Variants in ZNF385D observed in about 807,000 individuals in gnomAD.
The protein encoded by ZNF385D is zinc finger protein 659.
A neutral mutation model predicts 35.8 loss-of-function variants in ZNF385D; 15 were observed. The ratio of observed to expected loss-of-function variants is 0.42; its 90% CI spans 0.28 to 0.64. ZNF385D has a LOEUF of 0.64. ZNF385D is among the 30% of genes least tolerant of loss of function. ZNF385D has a pLI of 0.23. For missense variants in ZNF385D, 474 were observed against 494.6 expected (o/e 0.96, Z 0.39); for synonymous variants, 212 against 186.8 (o/e 1.13, Z -1.10).
chr3:22,330,646 C>T (rs773610360), intron 2 of ZNF385D, among the ~76,000 whole-genome samples: 2 of 152,168 alleles, frequency 1.3e-5, no homozygotes, highest in Non-Finnish European at 2.9e-5. Flanking sequence ...TTCCATCTCA[C>T]TCTGGTTCTC....
At chr3:22,149,594 A>G (rs4858389) in intron 3 of ZNF385D, among the ~76,000 whole-genome samples, 33,250 of 152,108 alleles carry the variant, frequency 0.22, 3,895 homozygotes, top group East Asian at 0.44. Flanking sequence ...AGCCACGACC[A>G]TAGAGGTATG....
chr3:22,271,311 A>C (rs1295674660), intron 2 of ZNF385D, among the ~76,000 whole-genome samples: 2 of 151,984 alleles, frequency 1.3e-5, no homozygotes, highest in Non-Finnish European at 2.9e-5. Context: ...AAGATGTTGG[A>C]GAAGACTAAT....
intron 3 of ZNF385D, among the ~76,000 whole-genome samples, chr3:22,110,157 T>C (rs1190667562): frequency 6.6e-6 from 1 of 152,032 alleles, no homozygotes; most frequent in Admixed American, 6.6e-5. Flanking sequence ...GGAGAGGATG[T>C]GGAGAAATAG....
At chr3:21,844,394 T>G (rs1448210430) in intron 3 of ZNF385D, among the ~76,000 whole-genome samples, 1 of 139,954 alleles carries the variant, frequency 7.1e-6, no homozygotes, top group Non-Finnish European at 1.5e-5. Context: ...GGTGCTTTCT[T>G]GGGGATTTTG....
In ZNF385D at chr3:22,242,973, T is replaced by A. The variant is rs146561373; in HGVS notation, c.107-73938A>T. On this transcript the variant is annotated intron_variant, in intron 2 of 5. Transcript: ENST00000494108. ...CATGTAAATGTTAATGACCTCGAATTAGGCATTAGTTTCTTAGATATAACC... is the reference window on the plus strand; with the variant it reads ...CATGTAAATGTTAATGACCTCGAATAAGGCATTAGTTTCTTAGATATAACC... Among the ~76,000 whole-genome samples, 428 of 151,018 alleles carry A rather than the reference T, an allele frequency of 2.8e-3. 29 individuals are homozygous for A. The highest frequency in any genetic ancestry group is 9.9e-3 in the African/African-American group (403 of 40,906).
chr3:21,881,350 A>T (rs1698266766), intron 3 of ZNF385D, among the ~76,000 whole-genome samples: 2 of 151,980 alleles, frequency 1.3e-5, no homozygotes. Flanking sequence ...CATTCCAAAC[A>T]TCCTATGCCC....
rs116010576 is a variant in ZNF385D at position 21,932,377 on chromosome 3, C to T, written c.325+236440G>A. 3.3e-3 allele frequency among the ~76,000 whole-genome samples: 500 copies of T among 151,474 alleles called. 3 individuals carry two copies. Among genetic ancestry groups the T allele is most frequent in the African/African-American group, 0.011 (459 of 41,086 alleles). ...GTCAAAGCAAGTTTTCAGTATATAACGCAGCACTCTGATTGTGACTTAATA... is the reference window on the plus strand; with the variant it reads ...GTCAAAGCAAGTTTTCAGTATATAATGCAGCACTCTGATTGTGACTTAATA... On this transcript the variant is annotated intron_variant, in intron 3 of 5. Coordinates refer to the ZNF385D transcript ENST00000494108.
At chr3:21,647,166 G>A (rs1461809668) in intron 2 of ZNF385D, among the ~76,000 whole-genome samples, 1 of 152,118 alleles carries the variant, frequency 6.6e-6, no homozygotes, top group African/African-American at 2.4e-5. Flanking sequence ...CTAAGTACTA[G>A]TATTTTAAAG....
chr3:21,807,793 G>A (rs1169601827), intron 3 of ZNF385D, among the ~76,000 whole-genome samples: 1 of 152,064 alleles, frequency 6.6e-6, no homozygotes. Context: ...TTCAAATATG[G>A]CAGGATTTGA....
chr3:21,908,194 G>A (rs1320044668), intron 3 of ZNF385D, among the ~76,000 whole-genome samples: 1 of 148,612 alleles, frequency 6.7e-6, no homozygotes, highest in African/African-American at 2.5e-5. Context: ...AGGATTCTAG[G>A]GAACAGGAAA....
At chr3:22,310,645 A>T (rs972505991) in intron 2 of ZNF385D, among the ~76,000 whole-genome samples, 1 of 151,924 alleles carries the variant, frequency 6.6e-6, no homozygotes, top group African/African-American at 2.4e-5. Context: ...TTAGAAAGAG[A>T]AGTAAATTTA....
chr3:21,564,341 A>T (rs975364671), intron 3 of ZNF385D, among the ~76,000 whole-genome samples: 5 of 152,116 alleles, frequency 3.3e-5, no homozygotes, highest in African/African-American at 1.2e-4. Context: ...AATAAATAAA[A>T]ATATTAAACT....
At position 21,439,297 on chromosome 3, in the gene ZNF385D, C is replaced by CAA. The variant is rs143786633; in HGVS notation, c.440-2096_440-2095dup. Among the ~76,000 whole-genome samples, 341 of 89,264 alleles carry CAA rather than the reference C, an allele frequency of 3.8e-3. 4 individuals are homozygous for CAA. The highest frequency in any genetic ancestry group is 0.01 in the African/African-American group (270 of 26,856). The allele number at this position is 89,264 out of a possible 152,430, so 58.6% of individuals were successfully genotyped here. ...GGAACAAGAAAATCAGATTTTGAGG[C>CAA]AAAAAAAAAAAAAAAAAAAAAAGTT... On this transcript the variant is annotated intron_variant, in intron 4 of 7. Transcript: ENST00000281523.
intron 3 of ZNF385D, among the ~76,000 whole-genome samples, chr3:22,159,469 T>C (rs147887032): frequency 6.6e-5 from 10 of 152,166 alleles, no homozygotes; most frequent in Non-Finnish European, 2.9e-5. Context: ...AGGCTCAGGT[T>C]GTAAAACCTC....
intron 3 of ZNF385D, among the ~76,000 whole-genome samples, chr3:21,895,564 C>T (rs1243082977): frequency 6.7e-6 from 1 of 148,894 alleles, no homozygotes; most frequent in Non-Finnish European, 1.5e-5. Flanking sequence ...TGGTCTCAAA[C>T]CCCTGACCTC....
At chr3:22,371,138 C>T (rs1451516512) in intron 2 of ZNF385D, among the ~76,000 whole-genome samples, 4 of 152,132 alleles carry the variant, frequency 2.6e-5, no homozygotes, top group Non-Finnish European at 4.4e-5. Context: ...CCCATATTTG[C>T]CTTTCATGCT....
chr3:21,747,350 G>A (rs754862731), intron 1 of ZNF385D, among the ~76,000 whole-genome samples: 1 of 151,964 alleles, frequency 6.6e-6, no homozygotes, highest in Non-Finnish European at 1.5e-5. Flanking sequence ...GTATTCTCAT[G>A]GGGGCAAGCC....
At chr3:21,693,431 C>T (rs115210160) in intron 1 of ZNF385D, among the ~76,000 whole-genome samples, 2,280 of 152,280 alleles carry the variant, frequency 0.015, 57 homozygotes, top group African/African-American at 0.051. Flanking sequence ...TTAAATGAAA[C>T]ACTTACAGTA....
In ZNF385D at chr3:21,682,870, T is replaced by G. The variant is rs141682154; in HGVS notation, c.23-17842A>C. 3.3e-5 allele frequency among the ~76,000 whole-genome samples: 5 copies of G among 150,128 alleles called. No individual in the cohort carries two copies. In the East Asian group the frequency reaches 1.0e-3, roughly 30 times the overall value. The stretch of plus-strand genomic sequence containing the variant: ...GTATGTAAACAAATGGGCATACCTA[T>G]GTACCAGTAAGATTTTACTTTCTAA... On this transcript the variant is annotated intron_variant, in intron 1 of 7. Coordinates refer to ENST00000281523, the MANE Select transcript of ZNF385D (RefSeq NM_024697.3).
Sources: allele counts gnomAD v4.1 joint callset (sites outside exome capture counted in the v4.1 genomes callset), GRCh38; gene constraint gnomAD v4.1.1; transcripts MANE v1.5; gene names NCBI Gene and HGNC (gene_info 2026-07-23, HGNC 2026-07-21).